SPDYE5: variants seen among roughly 807,000 people sequenced by gnomAD.
SPDYE5 encodes speedy protein E5.
SPDYE5 carries 15 observed loss-of-function variants against 48.5 expected under a neutral mutation model. The observed-to-expected ratio is 0.31, with a 90% CI of 0.21 to 0.48. SPDYE5 has a LOEUF of 0.48. SPDYE5 is among the 20% of genes least tolerant of loss of function. SPDYE5 has a pLI of 0.99. For missense variants in SPDYE5, 331 were observed against 549.1 expected (o/e 0.60, Z 3.97); for synonymous variants, 116 against 200.7 (o/e 0.58, Z 3.57).
intron 6 of SPDYE5, among the ~76,000 whole-genome samples, chr7:75,499,572 G>A (rs587740219): frequency 6.6e-6 from 1 of 152,138 alleles, no homozygotes; most frequent in Admixed American, 6.5e-5. Context: ...TTCGAGACCA[G>A]CCTGGCCAAC....
In SPDYE5 at chr7:75,504,079, T is replaced by C. The variant is rs1406667002; in HGVS notation, c.*1292T>C. On this transcript the variant is annotated 3_prime_UTR_variant, in exon 9 of 9. Coordinates refer to ENST00000625065, the MANE Select transcript of SPDYE5 (RefSeq NM_001306141.4). ...CATATATATTACATTTATAGCTATGTAGTAGTTCCCCTAAATTCTTGTAAA... is the reference window on the plus strand; with the variant it reads ...CATATATATTACATTTATAGCTATGCAGTAGTTCCCCTAAATTCTTGTAAA... 7 of 152,128 alleles carry C rather than the reference T, an allele frequency of 4.6e-5. No homozygotes were observed. The highest frequency in any genetic ancestry group is 1.7e-4 in the African/African-American group (7 of 41,452). 9.4% of individuals were successfully genotyped at this position (152,128 alleles called of 1,614,324 possible).
At chr7:75,493,124 TG>T (rs1367588504) in intron 1 of SPDYE5, among the ~76,000 whole-genome samples, 10 of 152,128 alleles carry the variant, frequency 6.6e-5, no homozygotes, top group Admixed American at 1.3e-4. Flanking sequence ...TTAGTCTTTT[TG>T]TACATGTGAT....
chr7:75,502,390 A>C (rs1554483729), intron 8 of SPDYE5, among the ~76,000 whole-genome samples: 1 of 152,092 alleles, frequency 6.6e-6, no homozygotes, highest in Non-Finnish European at 1.5e-5. Context: ...GTGAGCACAG[A>C]GCATAAGACT....
chr7:75,494,364 G>A (rs1792846216), intron 2 of SPDYE5, among the ~76,000 whole-genome samples, 157 bp downstream of exon 2: 1 of 151,898 alleles, frequency 6.6e-6, no homozygotes, highest in East Asian at 1.9e-4. Context: ...TGGCCAATAT[G>A]GTGAAACCCT....
chr7:75,496,721 A>C lies in SPDYE5; in HGVS notation c.427A>C (p.Arg143=), dbSNP rs782003392. 7 of 1,594,618 alleles carry C rather than the reference A, an allele frequency of 4.4e-6. No individual in the cohort carries two copies. The highest frequency in any genetic ancestry group is 4.0e-5 in the African/African-American group (3 of 74,734). The change falls in exon 4 of 9, where the codon AGG becomes CGG. Residue 143 remains arginine (R), a synonymous_variant. Transcript: ENST00000625065. ...CCCGCATAGGTCCTTTTGCTGGAAA[A>C]GGAAGATGGAGTGGTGGGACGAATC... ...SPPHRSFCWK[R]KMEWWDESEE...
chr7:75,494,447 T>C (rs1554482173), intron 2 of SPDYE5, among the ~76,000 whole-genome samples: 2 of 148,270 alleles, frequency 1.3e-5, no homozygotes, highest in Admixed American at 1.4e-4. Context: ...CTCAGGAGGC[T>C]GAGACAGGCG....
chr7:75,498,268 CAT>C (rs1793013422), intron 5 of SPDYE5, among the ~76,000 whole-genome samples: 1 of 151,878 alleles, frequency 6.6e-6, no homozygotes, highest in African/African-American at 2.4e-5. Flanking sequence ...GGATTACAGA[CAT>C]GAACCACCAC....
chr7:75,493,883 A>G lies in SPDYE5; in HGVS notation c.-165A>G. On this transcript the variant is annotated 5_prime_UTR_variant, in exon 2 of 9. Coordinates refer to ENST00000625065, the MANE Select transcript of SPDYE5 (RefSeq NM_001306141.4). ...TTGCCAGGTTGGCATGAGCGATGAC[A>G]TCAGAGATTCCGACCATCCTGATTG... 4.1e-6 allele frequency: 6 copies of G among 1,455,410 alleles called. No individual in the cohort carries two copies. The highest frequency in any genetic ancestry group is 5.4e-6 in the Non-Finnish European group (6 of 1,108,414). The allele number at this position is 1,455,410 out of a possible 1,614,324, so 90.2% of individuals were successfully genotyped here.
upstream of SPDYE5, among the ~76,000 whole-genome samples, chr7:75,491,813 A>C (rs1317526127): frequency 1.4e-5 from 2 of 147,218 alleles, no homozygotes; most frequent in Non-Finnish European, 3.0e-5. Flanking sequence ...TCCAGGTTCA[A>C]GCGATTCTCC....
chr7:75,498,842 G>C (rs1554483003), intron 5 of SPDYE5, among the ~76,000 whole-genome samples: 3 of 151,348 alleles, frequency 2.0e-5, no homozygotes, highest in African/African-American at 7.3e-5. Flanking sequence ...CTCTCCTATG[G>C]GTCCTTTGGG....
At chr7:75,500,845 C>A (rs1554483315) in intron 6 of SPDYE5, among the ~76,000 whole-genome samples, 2 of 151,944 alleles carry the variant, frequency 1.3e-5, no homozygotes, top group Non-Finnish European at 2.9e-5. Context: ...AGTAGCTAGG[C>A]CTAACGGGTG....
chr7:75,496,608 T>C, intron 3 of SPDYE5, 66 bp from the exon 4 acceptor site: 3 of 1,596,654 alleles, frequency 1.9e-6, no homozygotes, highest in South Asian at 1.1e-5. Context: ...GGTTTGGGGT[T>C]TTGGGTTGGG....
chr7:75,494,308 G>T (rs1792843325), intron 2 of SPDYE5, 101 bp downstream of exon 2: 2 of 1,468,592 alleles, frequency 1.4e-6, no homozygotes, highest in Non-Finnish European at 9.0e-7. Context: ...CACTTTGGGA[G>T]GCCGAGGCGG....
upstream of SPDYE5, among the ~76,000 whole-genome samples, chr7:75,491,781 C>T (rs879966914): frequency 2.2e-5 from 3 of 135,394 alleles, no homozygotes; most frequent in Non-Finnish European, 4.6e-5. Context: ...GATGCAATCT[C>T]GGCTCACTGC....
intron 2 of SPDYE5, among the ~76,000 whole-genome samples, chr7:75,494,516 CAAAAAA>C (rs1280246072): frequency 8.5e-6 from 1 of 117,970 alleles, no homozygotes. Context: ...TACTGCACTC[CAAAAAA>C]AAAAAAAAAA....
rs1329659407 is a variant in SPDYE5 at position 75,493,824 on chromosome 7, G to A, written c.-224G>A. ...CCAGGATCTCCAGGACAAGAGATCAGCCTGGCAGTTACATGTGTTTTTTTT... is the reference window on the plus strand; with the variant it reads ...CCAGGATCTCCAGGACAAGAGATCAACCTGGCAGTTACATGTGTTTTTTTT... On this transcript the variant is annotated 5_prime_UTR_variant, in exon 2 of 9. Transcript: ENST00000625065. The A allele has an allele frequency of 2.1e-6, 3 of 1,437,392 alleles. No homozygotes were observed. The highest frequency in any genetic ancestry group is 5.6e-5 in the Admixed American group (2 of 35,622). The allele number at this position is 1,437,392 out of a possible 1,614,324, so 89.0% of individuals were successfully genotyped here.
In SPDYE5 at chr7:75,497,048, A is replaced by T. The variant is rs1281308351; in HGVS notation, c.610+144A>T. 4.0e-4 allele frequency: 244 copies of T among 616,672 alleles called. No individual in the cohort carries two copies. The African/African-American group carries it at 4.3e-3, about 11-fold the overall frequency. 38.2% of individuals were successfully genotyped at this position (616,672 alleles called of 1,614,324 possible). On this transcript the variant is annotated intron_variant, in intron 4 of 8. Coordinates refer to ENST00000625065, the MANE Select transcript of SPDYE5 (RefSeq NM_001306141.4). ...GAGGAATGTGAAGTGATCACTCATG[A>T]GGGACACTTAGGAGATGATAAAGGA...
At chr7:75,493,262 T>C (rs1792801951) in intron 1 of SPDYE5, among the ~76,000 whole-genome samples, 1 of 151,496 alleles carries the variant, frequency 6.6e-6, no homozygotes, top group African/African-American at 2.4e-5. Context: ...AGGTAATCCA[T>C]GGATTCCCTG....
chr7:75,502,107 A>G, intron 8 of SPDYE5, 125 bp downstream of exon 8: 2 of 1,110,012 alleles, frequency 1.8e-6, no homozygotes, highest in Non-Finnish European at 2.5e-6. Context: ...CCACAAAAAT[A>G]CAAAAATTAG....
Sources: allele counts gnomAD v4.1 joint callset (sites outside exome capture counted in the v4.1 genomes callset), GRCh38; gene constraint gnomAD v4.1.1; transcripts MANE v1.5; gene names NCBI Gene and HGNC (gene_info 2026-07-23, HGNC 2026-07-21).